ARHGEF10: variants seen among roughly 807,000 people sequenced by gnomAD.
The protein encoded by ARHGEF10 is Rho guanine nucleotide exchange factor 10, also known as Rho guanine nucleotide exchange factor (GEF) 10.
In ARHGEF10, 140 loss-of-function variants were observed where a neutral mutation model predicts 147.4. That is an observed-to-expected ratio of 0.95 (90% CI 0.83 to 1.09). The LOEUF (loss-of-function observed/expected upper bound fraction) is 1.09, where lower values mean the gene tolerates loss of function less well. Ranked by LOEUF, ARHGEF10 falls within the 50% of genes least tolerant of loss-of-function variation. ARHGEF10 has a pLI of 0.00. For synonymous variants in ARHGEF10, 902 were observed against 695.8 expected, an observed-to-expected ratio of 1.30 and a Z score of -4.67; for missense variants, 2,222 against 1,752.7, an observed-to-expected ratio of 1.27 and a Z score of -4.78.
At chr8:1,844,082 C>T (rs1804312976) in intron 2 of ARHGEF10, among the ~76,000 whole-genome samples, 1 of 152,230 alleles carries the variant, frequency 6.6e-6, no homozygotes, top group Non-Finnish European at 1.5e-5. Flanking sequence ...CTAGGTCCTC[C>T]CGGGGCCTGC....
intron 2 of ARHGEF10, among the ~76,000 whole-genome samples, chr8:1,844,445 G>A (rs1288019737): frequency 1.1e-3 from 166 of 151,818 alleles, no homozygotes; most frequent in Admixed American, 3.1e-3. Flanking sequence ...CTGGACGACA[G>A]AGACGGGAGA....
intron 15 of ARHGEF10, 117 bp from the exon 16 acceptor site, chr8:1,903,164 C>T: frequency 7.6e-7 from 1 of 1,309,042 alleles, no homozygotes. Flanking sequence ...CTTTATTTTT[C>T]CCCAGGATGG....
At chr8:1,925,441 G>T (rs372286785) in intron 22 of ARHGEF10, 37 bp downstream of exon 22, 2 of 1,611,480 alleles carry the variant, frequency 1.2e-6, no homozygotes, top group African/African-American at 1.3e-5. Flanking sequence ...GGGGTGGGAC[G>T]CACCTCGCAG....
At chr8:1,949,656 A>C (rs73671065) in intron 27 of ARHGEF10, among the ~76,000 whole-genome samples, 6,165 of 152,242 alleles carry the variant, frequency 0.04, 403 homozygotes, top group African/African-American at 0.14. Flanking sequence ...AAAATGGCCA[A>C]AATTTCCATT....
upstream of ARHGEF10, among the ~76,000 whole-genome samples, chr8:1,823,490 A>G (rs1161307333): frequency 6.7e-6 from 1 of 150,292 alleles, no homozygotes; most frequent in East Asian, 2.0e-4. Context: ...CCCTCAGGTG[A>G]GCTCAGCCCG....
At chr8:1,865,714 T>C (rs554169933) in intron 5 of ARHGEF10, among the ~76,000 whole-genome samples, 1 of 112,558 alleles carries the variant, frequency 8.9e-6, no homozygotes, top group East Asian at 3.3e-4. Context: ...GCACGGATTA[T>C]CACGTGATTC....
intron 18 of ARHGEF10, among the ~76,000 whole-genome samples, chr8:1,914,918 G>A (rs1045331519): frequency 3.3e-5 from 5 of 152,164 alleles, no homozygotes; most frequent in Admixed American, 1.3e-4. Context: ...TGGATAGTCC[G>A]GAAACAGTCT....
At chr8:1,920,570 C>T (rs1812210306) in intron 18 of ARHGEF10, among the ~76,000 whole-genome samples, 1 of 152,024 alleles carries the variant, frequency 6.6e-6, no homozygotes, top group Admixed American at 6.6e-5. Flanking sequence ...TTTAGCAGTC[C>T]TCTCACCTTG....
intron 10 of ARHGEF10, among the ~76,000 whole-genome samples, chr8:1,884,422 C>G (rs1274877262): frequency 6.6e-6 from 1 of 151,818 alleles, no homozygotes; most frequent in East Asian, 1.9e-4. Flanking sequence ...AGGGCAAATC[C>G]CTAACCTCCC....
intron 18 of ARHGEF10, among the ~76,000 whole-genome samples, chr8:1,913,355 G>T (rs1811520035): frequency 1.3e-5 from 2 of 152,176 alleles, no homozygotes; most frequent in Admixed American, 6.5e-5. Context: ...TACAGGTGAA[G>T]TTCTTAAAAT....
At chr8:1,952,869 C>T (rs373991066) in intron 28 of ARHGEF10, 42 bp downstream of exon 28, 1 of 1,613,178 alleles carries the variant, frequency 6.2e-7, no homozygotes, top group South Asian at 1.1e-5. Flanking sequence ...TCCTGTCTTG[C>T]AGGCTCGTGG....
chr8:1,882,425 C>G lies in ARHGEF10; in HGVS notation c.961-210C>G, dbSNP rs138512018. Among the ~76,000 whole-genome samples, 67 of 152,304 alleles carry G rather than the reference C, an allele frequency of 4.4e-4. 1 individual carries two copies. The East Asian group carries it at 0.013, about 29-fold the overall frequency. ...CATAAATGGGGCAGGGAACATGTTT[C>G]ACCATGTCCAGGAAGGGCTGTATTT... On this transcript the variant is annotated intron_variant, in intron 9 of 28. Transcript: ENST00000349830.
At chr8:1,864,228 T>A in intron 4 of ARHGEF10, 145 bp from the exon 5 acceptor site, 2 of 798,372 alleles carry the variant, frequency 2.5e-6, no homozygotes, top group Non-Finnish European at 4.2e-6. Context: ...GAGCTAAAAA[T>A]TTTTAAGTTT....
rs1260612711 is a variant in ARHGEF10, at chr8:1,923,046, T to A, written c.2226T>A (p.Thr742=). Residue 742 remains threonine (T), a synonymous_variant, in exon 19 of 29, where the codon ACT becomes ACA. Coordinates refer to ENST00000349830, the MANE Select transcript of ARHGEF10 (RefSeq NM_014629.4). The stretch of plus-strand genomic sequence containing the variant: ...ACTTAAATGTAATTGGCCAAATCAC[T>A]CAGCTGATAGGAAACCTTAAAGGAA... ...LHDLNVIGQI[T]QLIGNLKGNY... 1 of 1,612,966 alleles carries A rather than the reference T, an allele frequency of 6.2e-7. No individual in the cohort carries two copies. Among genetic ancestry groups the A allele is most frequent in the African/African-American group, 1.3e-5 (1 of 74,902 alleles).
At chr8:1,847,963 A>G (rs540498137) in intron 2 of ARHGEF10, among the ~76,000 whole-genome samples, 16 of 152,288 alleles carry the variant, frequency 1.1e-4, no homozygotes, top group African/African-American at 3.9e-4. Flanking sequence ...AAAGTTCTTC[A>G]TGGACTTGGA....
chr8:1,952,279 C>T lies in ARHGEF10; in HGVS notation c.3398-426C>T, dbSNP rs930811187. On this transcript the variant is annotated intron_variant, in intron 27 of 28. Transcript: ENST00000349830. ...GAGTCCAGCCGCGCCCATTAAGAGA[C>T]CTCTCCTCACTTGTAAAGGGGTCTC... 1.2e-4 allele frequency among the ~76,000 whole-genome samples: 18 copies of T among 152,238 alleles called. 1 individual carries two copies.
chr8:1,850,310 C>G (rs1436984495), intron 2 of ARHGEF10, among the ~76,000 whole-genome samples: 1 of 135,488 alleles, frequency 7.4e-6, no homozygotes, highest in Non-Finnish European at 1.5e-5. Flanking sequence ...ACGGCAAATG[C>G]TGAGGAGGGC....
chr8:1,825,975 G>C, intron 1 of ARHGEF10: 6 of 706,792 alleles, frequency 8.5e-6, no homozygotes, highest in South Asian at 8.4e-5. Context: ...TATTCGAAAA[G>C]AGAGATGATT....
rs961394695 is a variant in ARHGEF10 at position 1,957,433 on chromosome 8, C to T, written c.*170C>T. On this transcript the variant is annotated 3_prime_UTR_variant, in exon 29 of 29. Transcript: ENST00000349830. ...ATGGTGGTGTCCCTGCCAATTCCTT[C>T]CTTCTCTTCTGTACAGCAGAAGTAA... 32 of 938,162 alleles carry T rather than the reference C, an allele frequency of 3.4e-5. No homozygotes were observed. The highest frequency in any genetic ancestry group is 1.6e-6 in the Non-Finnish European group (1 of 631,504). The allele number at this position is 938,162 out of a possible 1,614,324, so 58.1% of individuals were successfully genotyped here. A position where few individuals can be genotyped will look rare whatever the true frequency, so the allele number is the denominator to read the frequency against.
Sources: allele counts gnomAD v4.1 joint callset (sites outside exome capture counted in the v4.1 genomes callset), GRCh38; gene constraint gnomAD v4.1.1; transcripts MANE v1.5; gene names NCBI Gene and HGNC (gene_info 2026-07-23, HGNC 2026-07-21).